MEMO1: variants seen among roughly 807,000 people sequenced by gnomAD.
MEMO1 encodes the protein protein MEMO1.
Under a neutral mutation model 45.2 loss-of-function variants are expected in MEMO1, and 6 were observed. The ratio of observed to expected loss-of-function variants is 0.13; its 90% confidence interval spans 0.07 to 0.26. The LOEUF (loss-of-function observed/expected upper bound fraction) is 0.26, where lower values mean the gene tolerates loss of function less well. MEMO1 is among the 10% of genes least tolerant of loss of function. MEMO1 has a pLI of 1.00. For missense variants in MEMO1, 184 were observed against 370.5 expected (o/e 0.50, Z 4.13); for synonymous variants, 78 against 124.3 (o/e 0.63, Z 2.48).
chr2:31,997,389 C>T (rs1672738586), intron 2 of MEMO1, among the ~76,000 whole-genome samples: 1 of 152,130 alleles, frequency 6.6e-6, no homozygotes, highest in Admixed American at 6.5e-5. Context: ...AACAAACCAC[C>T]ACACCCAGCT....
chr2:31,898,298 T>A (rs1306981737), intron 6 of MEMO1, among the ~76,000 whole-genome samples: 2 of 152,180 alleles, frequency 1.3e-5, no homozygotes, highest in African/African-American at 4.8e-5. Context: ...GTTCTTTTAA[T>A]TGTGAGGTTA....
intron 2 of MEMO1, among the ~76,000 whole-genome samples, chr2:31,951,651 G>A (rs1443826403): frequency 6.6e-6 from 1 of 151,918 alleles, no homozygotes; most frequent in Non-Finnish European, 1.5e-5. Flanking sequence ...TCCTGCCTCA[G>A]CCTCCCGAGT....
chr2:31,893,342 A>G, intron 6 of MEMO1: 1 of 1,161,212 alleles, frequency 8.6e-7, no homozygotes. Flanking sequence ...AGAGAAAAAA[A>G]GGAAGCTGGC....
At chr2:31,949,055 T>G (rs1260234395) in intron 2 of MEMO1, among the ~76,000 whole-genome samples, 2 of 152,084 alleles carry the variant, frequency 1.3e-5, no homozygotes, top group African/African-American at 4.8e-5. Context: ...AAAACTACAA[T>G]GAGATATCAT....
intron 2 of MEMO1, among the ~76,000 whole-genome samples, chr2:31,954,464 A>T (rs190148812): frequency 7.0e-4 from 106 of 152,238 alleles, no homozygotes; most frequent in African/African-American, 2.0e-3. Flanking sequence ...TAATTTTTTT[A>T]AAAAAATCAT....
At chr2:31,933,351 T>TAAAAAAAAAAAAAAA (rs869274123) in intron 3 of MEMO1, among the ~76,000 whole-genome samples, 1 of 45,088 alleles carries the variant, frequency 2.2e-5, no homozygotes, top group Non-Finnish European at 3.7e-5. Flanking sequence ...AAAAAAAAAT[T>TAAAAAAAAAAAAAAA]TATATATATA....
chr2:31,955,142 C>G (rs1667265757), intron 2 of MEMO1, among the ~76,000 whole-genome samples: 1 of 151,344 alleles, frequency 6.6e-6, no homozygotes, highest in South Asian at 2.1e-4. Flanking sequence ...AGGGCTGAGG[C>G]AGGAAGATCG....
At chr2:31,886,467 TA>T (rs1676209042) in intron 7 of MEMO1, among the ~76,000 whole-genome samples, 1 of 152,176 alleles carries the variant, frequency 6.6e-6, no homozygotes, top group Non-Finnish European at 1.5e-5. Flanking sequence ...AAACTGAGTT[TA>T]AAATACCACT....
At chr2:31,982,250 T>G (rs1485921554) in intron 2 of MEMO1, among the ~76,000 whole-genome samples, 3 of 129,736 alleles carry the variant, frequency 2.3e-5, no homozygotes, top group Admixed American at 1.7e-4. Flanking sequence ...TGAGCCAAGA[T>G]CATGCCACTG....
chr2:31,946,047 T>A (rs1320122367), intron 2 of MEMO1, among the ~76,000 whole-genome samples: 1 of 152,218 alleles, frequency 6.6e-6, no homozygotes, highest in Non-Finnish European at 1.5e-5. Context: ...TAATACTTAT[T>A]AAAAACTGAA....
At chr2:31,933,302 G>A (rs1347855248) in intron 3 of MEMO1, among the ~76,000 whole-genome samples, 9 of 98,898 alleles carry the variant, frequency 9.1e-5, no homozygotes, top group African/African-American at 1.6e-4. Flanking sequence ...ATGACAGAGC[G>A]AGATACCACC....
At chr2:31,994,087 A>G (rs1672278384) in intron 2 of MEMO1, among the ~76,000 whole-genome samples, 1 of 145,500 alleles carries the variant, frequency 6.9e-6, no homozygotes, top group Non-Finnish European at 1.5e-5. Flanking sequence ...CAGCCCCCCG[A>G]GCAGCTGGGA....
chr2:31,973,627 T>C (rs1416443632), intron 2 of MEMO1, among the ~76,000 whole-genome samples: 1 of 152,210 alleles, frequency 6.6e-6, no homozygotes, highest in Non-Finnish European at 1.5e-5. Context: ...TAAAGTATTA[T>C]TCAGTCATAA....
intron 2 of MEMO1, among the ~76,000 whole-genome samples, chr2:31,951,706 T>C (rs2148363089): frequency 6.6e-6 from 1 of 152,104 alleles, no homozygotes; most frequent in African/African-American, 2.4e-5. Context: ...CTAATTTTTG[T>C]ACTTTAGTAG....
intron 2 of MEMO1, among the ~76,000 whole-genome samples, chr2:31,998,524 G>C (rs1672877168): frequency 6.6e-6 from 1 of 152,072 alleles, no homozygotes; most frequent in Non-Finnish European, 1.5e-5. Context: ...TTTATGGCTG[G>C]GCACAGTGGC....
chr2:31,959,920 G>T (rs371876862), intron 2 of MEMO1, among the ~76,000 whole-genome samples: 1 of 152,138 alleles, frequency 6.6e-6, no homozygotes, highest in Admixed American at 6.5e-5. Context: ...TTTTTTGAAA[G>T]ATAAATGTTA....
At chr2:32,003,037 T>C (rs530232956) in intron 2 of MEMO1, among the ~76,000 whole-genome samples, 19 of 152,328 alleles carry the variant, frequency 1.2e-4, no homozygotes, top group African/African-American at 4.3e-4. Flanking sequence ...TTTTATTATA[T>C]AGTCTTTCCA....
At chr2:31,990,571 CTTTTTTT>C (rs34456440) in intron 2 of MEMO1, among the ~76,000 whole-genome samples, 1 of 119,998 alleles carries the variant, frequency 8.3e-6, no homozygotes, top group African/African-American at 3.1e-5. Flanking sequence ...AATTTTTTTT[CTTTTTTT>C]TTTTTTTTTT....
At chr2:32,003,586 T>C (rs1205813709) in intron 2 of MEMO1, among the ~76,000 whole-genome samples, 1 of 152,162 alleles carries the variant, frequency 6.6e-6, no homozygotes, top group Non-Finnish European at 1.5e-5. Flanking sequence ...AAACACAGCA[T>C]ACATATGCTC....
Sources: allele counts gnomAD v4.1 joint callset (sites outside exome capture counted in the v4.1 genomes callset), GRCh38; gene constraint gnomAD v4.1.1; transcripts MANE v1.5; gene names NCBI Gene and HGNC (gene_info 2026-07-23, HGNC 2026-07-21).